The following MOGAT2 variants were observed in gnomAD, a reference collection of about 807,000 sequenced individuals.
MOGAT2 encodes the protein monoacylglycerol O-acyltransferase 2, also known as 2-acylglycerol O-acyltransferase 2.
In MOGAT2, 27 loss-of-function variants were observed where a neutral mutation model predicts 31.5. The ratio of observed to expected loss-of-function variants is 0.86; its 90% confidence interval spans 0.63 to 1.18. The LOEUF (loss-of-function observed/expected upper bound fraction) is 1.18. MOGAT2 is among the 50% of genes most tolerant of loss of function. The pLI is 0.00. For synonymous variants in MOGAT2, 163 were observed against 170.0 expected, an observed-to-expected ratio of 0.96 and a Z score of 0.32; for missense variants, 436 against 433.2, an observed-to-expected ratio of 1.01 and a Z score of -0.06.
chr11:75,728,023 G>T lies in MOGAT2; in HGVS notation c.529G>T (p.Gly177Cys), dbSNP rs751939739. The change falls in exon 4 of 6, where the codon GGC (glycine) becomes TGC (cysteine). Residue 177 changes from glycine (G) to cysteine (C), a missense_variant. Coordinates refer to ENST00000198801, the MANE Select transcript of MOGAT2 (RefSeq NM_025098.4). ...SAAHILNRKGGGNLLGIIVGG... is the reference protein window; with the variant it reads ...SAAHILNRKGCGNLLGIIVGG... ...TGCTCACATTCTGAACAGGAAGGGTGGCGGAAACTTGCTGGGCATCATTGT... is the reference window on the plus strand; with the variant it reads ...TGCTCACATTCTGAACAGGAAGGGTTGCGGAAACTTGCTGGGCATCATTGT... The T allele has an allele frequency of 1.9e-6, 3 of 1,613,984 alleles. No individual in the cohort carries two copies. In the South Asian group the frequency reaches 3.3e-5, roughly 18 times the overall value.
In MOGAT2 at chr11:75,719,902, G is replaced by A. The variant is rs948810409; in HGVS notation, c.92-90G>A. The stretch of plus-strand genomic sequence containing the variant: ...GATTGGACAGGACAGTGCTGCTAGT[G>A]CCAGGCCTATGGGCAGAGTTCAGTC... On this transcript the variant is annotated intron_variant, in intron 1 of 5. Coordinates refer to ENST00000198801, the MANE Select transcript of MOGAT2 (RefSeq NM_025098.4). 3.0e-6 allele frequency: 4 copies of A among 1,317,228 alleles called. No homozygotes were observed. The African/African-American group carries it at 5.8e-5, about 19-fold the overall frequency. The allele number at this position is 1,317,228 out of a possible 1,614,324, so 81.6% of individuals were successfully genotyped here. A position where few individuals can be genotyped will look rare whatever the true frequency, so the allele number is the denominator to read the frequency against.
chr11:75,729,824 A>G (rs1944459378), intron 5 of MOGAT2, among the ~76,000 whole-genome samples: 2 of 142,110 alleles, frequency 1.4e-5, no homozygotes, highest in South Asian at 4.4e-4. Context: ...AGCTCACTGC[A>G]ACCTCCACCT....
At chr11:75,724,987 T>G (rs1184689373) in intron 2 of MOGAT2, among the ~76,000 whole-genome samples, 1 of 152,316 alleles carries the variant, frequency 6.6e-6, no homozygotes. Flanking sequence ...CTGCTGATGG[T>G]CATTTAAGTG....
intron 4 of MOGAT2, 161 bp downstream of exon 4, chr11:75,728,305 C>G: frequency 3.5e-6 from 3 of 858,836 alleles, no homozygotes; most frequent in South Asian, 1.4e-5. Flanking sequence ...GCCCAAATAC[C>G]TAGAAAAGTT....
chr11:75,720,285 G>A (rs1944366933), intron 2 of MOGAT2, 115 bp downstream of exon 2: 1 of 1,176,448 alleles, frequency 8.5e-7, no homozygotes, highest in African/African-American at 1.5e-5. Flanking sequence ...GGAGGGTACT[G>A]GGCTGGGAGG....
At chr11:75,719,850 A>C in intron 1 of MOGAT2, 142 bp from the exon 2 acceptor site, 1 of 769,696 alleles carries the variant, frequency 1.3e-6, no homozygotes, top group Non-Finnish European at 2.1e-6. Flanking sequence ...ATGCCCCGGA[A>C]GCTGCTGTCT....
At chr11:75,727,691 G>A in intron 3 of MOGAT2, 52 bp downstream of exon 3, 1 of 1,546,056 alleles carries the variant, frequency 6.5e-7, no homozygotes, top group Non-Finnish European at 8.8e-7. Flanking sequence ...TTTTCGGAAG[G>A]GTTGCCAATA....
chr11:75,730,925 A>AAAAAAG, intron 5 of MOGAT2: 1 of 265,438 alleles, frequency 3.8e-6, no homozygotes, highest in African/African-American at 2.4e-5. Flanking sequence ...AAAAAAAAAA[A>AAAAAAG]AAAAGAAAAG....
chr11:75,720,076 T>C lies in MOGAT2; in HGVS notation c.176T>C (p.Leu59Pro). ...LTVLYAAWWY[L>P]DRDKPRQGGR... ...GTCCTGTATGCGGCCTGGTGGTATC[T>C]GGACCGAGACAAGCCACGGCAGGGG... Residue 59 changes from leucine (L) to proline (P), a missense_variant, in exon 2 of 6, where the codon CTG (leucine) becomes CCG (proline). Coordinates refer to ENST00000198801, the MANE Select transcript of MOGAT2 (RefSeq NM_025098.4). 1 of 1,614,194 alleles carries C rather than the reference T, an allele frequency of 6.2e-7. No homozygotes were observed. Among genetic ancestry groups the C allele is most frequent in the Non-Finnish European group, 8.5e-7 (1 of 1,180,028 alleles).
At chr11:75,730,077 T>C (rs1944461624) in intron 5 of MOGAT2, among the ~76,000 whole-genome samples, 1 of 152,178 alleles carries the variant, frequency 6.6e-6, no homozygotes, top group Non-Finnish European at 1.5e-5. Flanking sequence ...AGTCCATTCA[T>C]GTCATCTCCA....
chr11:75,728,627 C>A, intron 4 of MOGAT2, 163 bp from the exon 5 acceptor site: 3 of 635,748 alleles, frequency 4.7e-6, no homozygotes, highest in Admixed American at 5.3e-5. Flanking sequence ...GAGAATGGGG[C>A]TGTGAAGGTC....
intron 3 of MOGAT2, 107 bp from the exon 4 acceptor site, chr11:75,727,863 A>G: frequency 8.0e-7 from 1 of 1,251,886 alleles, no homozygotes; most frequent in South Asian, 1.5e-5. Flanking sequence ...TGGGGGAAAA[A>G]CCCCAGGCCT....
chr11:75,719,752 T>C, intron 1 of MOGAT2: 1 of 503,526 alleles, frequency 2.0e-6, no homozygotes. Flanking sequence ...AAGTGAGCTT[T>C]GGAGTTAGGC....
chr11:75,728,031 C>G lies in MOGAT2; in HGVS notation c.537C>G (p.Asn179Lys). ...AHILNRKGGGNLLGIIVGGAQ... is the reference protein window; with the variant it reads ...AHILNRKGGGKLLGIIVGGAQ... ...TTCTGAACAGGAAGGGTGGCGGAAA[C>G]TTGCTGGGCATCATTGTAGGGGGTG... Residue 179 changes from asparagine (N) to lysine (K), a missense_variant, in exon 4 of 6, where the codon AAC (asparagine) becomes AAG (lysine). Coordinates refer to ENST00000198801, the MANE Select transcript of MOGAT2 (RefSeq NM_025098.4). 6.2e-7 allele frequency: 1 copy of G among 1,614,008 alleles called. No individual in the cohort carries two copies. The highest frequency in any genetic ancestry group is 8.5e-7 in the Non-Finnish European group (1 of 1,179,928).
Position 75,720,041 on chromosome 11 carries a change from G to GCT in MOGAT2, c.143_144dup (p.Leu49SerfsTer36), listed in dbSNP as rs1303565699. 5 of 1,614,006 alleles carry GCT rather than the reference G, an allele frequency of 3.1e-6. No homozygotes were observed. The highest frequency in any genetic ancestry group is 1.6e-4 in the Middle Eastern group (1 of 6,084). ...TAGCCCTCCTGTTTACAAGATTCTG[G>GCT]CTCCTCACTGTCCTGTATGCGGCCT... On this transcript the variant is annotated frameshift_variant, in exon 2 of 6. Transcript: ENST00000198801. LOFTEE classifies it high-confidence loss of function.
chr11:75,726,410 C>T (rs551226860), intron 2 of MOGAT2, among the ~76,000 whole-genome samples: 66 of 152,232 alleles, frequency 4.3e-4, no homozygotes, highest in African/African-American at 1.3e-3. Context: ...GGACTGGTTC[C>T]CGGACCCCCG....
chr11:75,729,795 A>G (rs966079145), intron 5 of MOGAT2, among the ~76,000 whole-genome samples: 2 of 125,150 alleles, frequency 1.6e-5, no homozygotes, highest in Non-Finnish European at 3.1e-5. Flanking sequence ...CCCAGGCTGG[A>G]GTGCAGTGGC....
chr11:75,731,158 A>G lies in MOGAT2; in HGVS notation c.877A>G (p.Thr293Ala), dbSNP rs772245438. 6.8e-6 allele frequency: 11 copies of G among 1,613,896 alleles called. No homozygotes were observed. The highest frequency in any genetic ancestry group is 1.1e-5 in the South Asian group (1 of 91,076). The change falls in exon 6 of 6, where the codon ACG becomes GCG. Residue 293 changes from threonine (T) to alanine (A), a missense_variant. Transcript: ENST00000198801. ...GGGGAAGCCCATCGAGGTACAGAAG[A>G]CGCTGCATCCCTCGGAGGAGGAGGT... ...VVGKPIEVQK[T>A]LHPSEEEVNQ...
At chr11:75,724,878 G>A (rs1944407537) in intron 2 of MOGAT2, among the ~76,000 whole-genome samples, 1 of 152,142 alleles carries the variant, frequency 6.6e-6, no homozygotes, top group Admixed American at 6.5e-5. Flanking sequence ...AAGCTGCCAT[G>A]GCCCTTTTTC....
Sources: gnomAD v4.1 joint callset for allele counts (sites outside exome capture counted in the v4.1 genomes callset) on GRCh38, gnomAD v4.1.1 for gene constraint, MANE v1.5 for transcripts, NCBI Gene and HGNC (gene_info 2026-07-23, HGNC 2026-07-21) for gene names.